The following TULP2 variants were observed in gnomAD, a reference collection of about 807,000 sequenced individuals.
The protein encoded by TULP2 is TUB like protein 2.
A neutral mutation model predicts 60.3 loss-of-function variants in TULP2; 64 were observed. The observed-to-expected ratio is 1.06, with a 90% CI of 0.87 to 1.31. The LOEUF (loss-of-function observed/expected upper bound fraction) is 1.31, where lower values mean the gene tolerates loss of function less well. Among genes scored for constraint, TULP2 ranks in the 50% most tolerant of loss-of-function variants. TULP2 has a pLI of 0.00. For synonymous variants in TULP2, 267 were observed against 265.4 expected (o/e 1.01, Z -0.06); for missense variants, 652 against 667.0 (o/e 0.98, Z 0.25).
At chr19:48,884,203 C>A in intron 9 of TULP2, among the ~76,000 whole-genome samples, 157 bp from the exon 10 acceptor site, 1 of 152,148 alleles carries the variant, frequency 6.6e-6, no homozygotes. Flanking sequence ...GGGGCTCACA[C>A]CTGTAATCCC....
At chr19:48,883,085 A>G (rs1184776792) in intron 11 of TULP2, among the ~76,000 whole-genome samples, 1 of 151,978 alleles carries the variant, frequency 6.6e-6, no homozygotes, top group Non-Finnish European at 1.5e-5. Context: ...CGGGCATGGT[A>G]GCGGGCGCCT....
chr19:48,896,416 G>T lies in TULP2; in HGVS notation c.211+14C>A. 6.3e-7 allele frequency: 1 copy of T among 1,594,578 alleles called. No homozygotes were observed. The highest frequency in any genetic ancestry group is 1.1e-5 in the South Asian group (1 of 88,902). Reference sequence around the variant, plus strand: ...CTCCCCTCCAGGCGAACGCCCCCAGGGGTCTTTGGTCACCTCTGTCACCTA... The same window carrying T: ...CTCCCCTCCAGGCGAACGCCCCCAGTGGTCTTTGGTCACCTCTGTCACCTA... On this transcript the variant is annotated intron_variant, in intron 4 of 12. Transcript: ENST00000221399.
In TULP2 at chr19:48,897,781, C is replaced by T; in HGVS notation, c.32+56G>A. 1 of 1,586,200 alleles carries T rather than the reference C, an allele frequency of 6.3e-7. No homozygotes were observed. The highest frequency in any genetic ancestry group is 8.7e-7 in the Non-Finnish European group (1 of 1,155,572). On this transcript the variant is annotated intron_variant, in intron 2 of 12. Transcript: ENST00000221399. The surrounding 1 kb of genome is among the most constrained non-coding windows in gnomAD (Gnocchi z 4.0). ...ATGGTTATGAAGCCAGAGCCGAGTGCACGGGGTCCCCAGCCCTTTCCACCT... is the reference window on the plus strand; with the variant it reads ...ATGGTTATGAAGCCAGAGCCGAGTGTACGGGGTCCCCAGCCCTTTCCACCT...
chr19:48,889,618 C>A lies in TULP2; in HGVS notation c.528G>T (p.Glu176Asp). The A allele has an allele frequency of 6.3e-7, 1 of 1,582,712 alleles. No individual in the cohort carries two copies. The highest frequency in any genetic ancestry group is 8.7e-7 in the Non-Finnish European group (1 of 1,155,582). ...QAHQRPGTRA[E>D]GESDSQDMGD... ...CCATATCCTGGGAGTCACTCTCACC[C>A]TCTGCACGGGTCCCTAATGTGGGGA... Residue 176 changes from glutamate to aspartate, a missense_variant, in exon 7 of 13, where the codon GAG becomes GAT. Transcript: ENST00000221399.
chr19:48,898,639 A>G lies in TULP2; in HGVS notation c.-51T>C, dbSNP rs958081485. 2 of 152,090 alleles carry G rather than the reference A, an allele frequency of 1.3e-5. No individual in the cohort carries two copies. Among genetic ancestry groups the G allele is most frequent in the Non-Finnish European group, 2.9e-5 (2 of 68,080 alleles). The allele number at this position is 152,090 out of a possible 1,614,324, so 9.4% of individuals were successfully genotyped here. ...GACCTAATCTCGGGATATCTGCGAA[A>G]TAGGGAGGAGAAGAAAGACGGCTCA... On this transcript the variant is annotated 5_prime_UTR_variant, in exon 1 of 13. Coordinates refer to ENST00000221399, the MANE Select transcript of TULP2 (RefSeq NM_003323.3).
In TULP2 at chr19:48,898,641, A is replaced by G. The variant is rs2037305904; in HGVS notation, c.-53T>C. ...CCTAATCTCGGGATATCTGCGAAAT[A>G]GGGAGGAGAAGAAAGACGGCTCAGA... On this transcript the variant is annotated 5_prime_UTR_variant, in exon 1 of 13. Coordinates refer to ENST00000221399, the MANE Select transcript of TULP2 (RefSeq NM_003323.3). 6.6e-6 allele frequency: 1 copy of G among 152,078 alleles called. No homozygotes were observed. The highest frequency in any genetic ancestry group is 6.6e-5 in the Admixed American group (1 of 15,244). The allele number at this position is 152,078 out of a possible 1,614,324, so 9.4% of individuals were successfully genotyped here.
chr19:48,881,211 CTTTT>C (rs1317301312), intron 12 of TULP2, 85 bp from the exon 13 acceptor site: 243 of 180,940 alleles, frequency 1.3e-3, no homozygotes, highest in Middle Eastern at 3.5e-3. Flanking sequence ...TTTTTTTTTT[CTTTT>C]TTTTTTTTTT....
intron 8 of TULP2, among the ~76,000 whole-genome samples, 166 bp from the exon 9 acceptor site, chr19:48,885,726 A>G (rs2037173944): frequency 2.0e-5 from 3 of 151,736 alleles, no homozygotes; most frequent in Non-Finnish European, 4.4e-5. Flanking sequence ...TCTACTAAAA[A>G]TAAAAAAAAT....
rs79865181 is a variant in TULP2, at chr19:48,883,601, A to G, written c.1275+153T>C. 6.8e-3 allele frequency among the ~76,000 whole-genome samples: 1,034 copies of G among 152,228 alleles called. 15 individuals carry two copies. The highest frequency in any genetic ancestry group is 0.023 in the African/African-American group (974 of 41,514). On this transcript the variant is annotated intron_variant, in intron 11 of 12. Coordinates refer to ENST00000221399, the MANE Select transcript of TULP2 (RefSeq NM_003323.3). Reference sequence around the variant, plus strand: ...TCTCTAGTCTTTTACTCCCTGAGACATGGAAGGCTAACAAAGTCCTTCAGG... The same window carrying G: ...TCTCTAGTCTTTTACTCCCTGAGACGTGGAAGGCTAACAAAGTCCTTCAGG...
chr19:48,884,005 C>G lies in TULP2; in HGVS notation c.1103G>C (p.Gly368Ala), dbSNP rs367975354. Residue 368 changes from glycine to alanine, a missense_variant, in exon 10 of 13, where the codon GGG (glycine) becomes GCG (alanine). Gly to Ala is a moderately conservative substitution (Grantham distance 60). Coordinates refer to ENST00000221399, the MANE Select transcript of TULP2 (RefSeq NM_003323.3). ...FSTKFTIFDN[G>A]VNPDREHLTR... ...TAAATGCTCCCGGTCAGGATTCACC[C>G]CATTGTCAAAGATGGTGAACTTGGT... 2 of 1,613,972 alleles carry G rather than the reference C, an allele frequency of 1.2e-6. No individual in the cohort carries two copies. Among genetic ancestry groups the G allele is most frequent in the African/African-American group, 1.3e-5 (1 of 74,868 alleles).
chr19:48,893,740 G>A (rs2122138525), intron 6 of TULP2, among the ~76,000 whole-genome samples: 1 of 152,152 alleles, frequency 6.6e-6, no homozygotes, highest in Admixed American at 6.5e-5. Flanking sequence ...TTTTAGTAGA[G>A]ACTGGGTTTC....
At chr19:48,887,560 T>C (rs2037192720) in intron 8 of TULP2, among the ~76,000 whole-genome samples, 2 of 151,200 alleles carry the variant, frequency 1.3e-5, no homozygotes, top group African/African-American at 4.9e-5. Context: ...GTTTGTTGGT[T>C]GGTTTTTTGT....
Position 48,884,024 on chromosome 19 carries a change from A to G in TULP2, c.1084T>C (p.Phe362Leu). The stretch of plus-strand genomic sequence containing the variant: ...TTCACCCCATTGTCAAAGATGGTGA[A>G]CTTGGTGCTGAAGACATTGGATCTG... ...KVRSNVFSTK[F>L]TIFDNGVNPD... The change falls in exon 10 of 13, where the codon TTC (phenylalanine) becomes CTC (leucine). Residue 362 changes from phenylalanine to leucine, a missense_variant. Coordinates refer to ENST00000221399, the MANE Select transcript of TULP2 (RefSeq NM_003323.3). The G allele has an allele frequency of 5.6e-6, 9 of 1,614,116 alleles. No homozygotes were observed. Among genetic ancestry groups the G allele is most frequent in the Non-Finnish European group, 7.6e-6 (9 of 1,180,018 alleles).
In TULP2 at chr19:48,884,393, G is replaced by A. The variant is rs1245443253; in HGVS notation, c.1062-347C>T. On this transcript the variant is annotated intron_variant, in intron 9 of 12. Transcript: ENST00000221399. The stretch of plus-strand genomic sequence containing the variant: ...CCAGAGGTCAAGCCTCCAATGAGCC[G>A]TGATCTTGCCACTGCACTCCAGCCT... 2.6e-5 allele frequency among the ~76,000 whole-genome samples: 4 copies of A among 152,202 alleles called. 1 individual carries two copies. Among genetic ancestry groups the A allele is most frequent in the South Asian group, 4.1e-4 (2 of 4,824 alleles).
At chr19:48,893,225 C>G (rs148733770) in intron 6 of TULP2, among the ~76,000 whole-genome samples, 1 of 152,014 alleles carries the variant, frequency 6.6e-6, no homozygotes, top group Non-Finnish European at 1.5e-5. Context: ...AAAAAATTAG[C>G]CGAGCATGGT....
Position 48,888,276 on chromosome 19 carries a change from A to G in TULP2, c.637-15T>C. On this transcript the variant is annotated splice_polypyrimidine_tract_variant and intron_variant, in intron 7 of 12. Coordinates refer to ENST00000221399, the MANE Select transcript of TULP2 (RefSeq NM_003323.3). ...AAGTCTTCTTCCTAGCCCAGGCACC[A>G]AATTTAAAGTCGAGGGACAACCACC... is the stretch of plus-strand genomic sequence containing the variant. 6.4e-7 allele frequency: 1 copy of G among 1,569,194 alleles called. No individual in the cohort carries two copies.
At chr19:48,894,346 T>C (rs1456916733) in intron 6 of TULP2, among the ~76,000 whole-genome samples, 1 of 151,962 alleles carries the variant, frequency 6.6e-6, no homozygotes, top group African/African-American at 2.4e-5. Context: ...AAATAACATA[T>C]AACAGCTATT....
chr19:48,883,197 C>T (rs1429922792), intron 11 of TULP2, among the ~76,000 whole-genome samples: 4 of 145,580 alleles, frequency 2.7e-5, no homozygotes, highest in Admixed American at 7.0e-5. Context: ...CCAGCCTGGG[C>T]GACAGAGCAA....
chr19:48,896,764 C>T, intron 3 of TULP2: 1 of 521,144 alleles, frequency 1.9e-6, no homozygotes, highest in South Asian at 3.3e-5. Context: ...GACACCCTGT[C>T]CTCTCATCCC....
Sources: gnomAD v4.1 joint callset for allele counts (sites outside exome capture counted in the v4.1 genomes callset) on GRCh38, gnomAD v4.1.1 for gene constraint, Gnocchi (gnomAD v3.1) non-coding constraint, MANE v1.5 for transcripts, NCBI Gene and HGNC (gene_info 2026-07-23, HGNC 2026-07-21) for gene names.